ROBO2: variants seen among roughly 807,000 people sequenced by gnomAD.
The protein encoded by ROBO2 is roundabout guidance receptor 2.
In ROBO2, 53 loss-of-function variants were observed where a neutral mutation model predicts 160.8. The ratio of observed to expected loss-of-function variants is 0.33; its 90% confidence interval spans 0.26 to 0.41. ROBO2 has a LOEUF of 0.41. Ranked by LOEUF, ROBO2 falls within the 10% of genes least tolerant of loss-of-function variation. The pLI is 1.00. For missense variants in ROBO2, 1,577 were observed against 1,722.4 expected, an observed-to-expected ratio of 0.92 and a Z score of 1.49; for synonymous variants, 664 against 611.7, an observed-to-expected ratio of 1.09 and a Z score of -1.26.
intron 2 of ROBO2, among the ~76,000 whole-genome samples, chr3:76,710,769 G>C (rs2093276679): frequency 6.6e-6 from 1 of 152,128 alleles, no homozygotes; most frequent in African/African-American, 2.4e-5. Flanking sequence ...TACAGACTTA[G>C]GGGAGCTTAG....
intron 2 of ROBO2, among the ~76,000 whole-genome samples, chr3:77,188,683 ACT>A (rs1192257471): frequency 6.6e-6 from 1 of 151,876 alleles, no homozygotes; most frequent in African/African-American, 2.4e-5. Flanking sequence ...GAACATTTTT[ACT>A]GTTTTCTCAT....
chr3:77,299,337 G>A (rs935086006), intron 2 of ROBO2, among the ~76,000 whole-genome samples: 6 of 152,120 alleles, frequency 3.9e-5, no homozygotes, highest in African/African-American at 1.4e-4. Flanking sequence ...AGATAAGAAG[G>A]ACTGAAAGCC....
intron 2 of ROBO2, among the ~76,000 whole-genome samples, chr3:77,305,584 C>T (rs2063031161): frequency 1.3e-5 from 2 of 152,118 alleles, no homozygotes; most frequent in African/African-American, 4.8e-5. Flanking sequence ...TCTGTGAATT[C>T]GCCCATGTTC....
At chr3:77,254,534 T>C (rs2153314331) in intron 2 of ROBO2, among the ~76,000 whole-genome samples, 1 of 152,242 alleles carries the variant, frequency 6.6e-6, no homozygotes, top group African/African-American at 2.4e-5. Context: ...CAAAATATTC[T>C]TTTTTTAGGG....
At chr3:77,565,643 T>C (rs1167081765) in intron 12 of ROBO2, among the ~76,000 whole-genome samples, 2 of 152,096 alleles carry the variant, frequency 1.3e-5, no homozygotes. Flanking sequence ...GTGTTTGTTT[T>C]AACAAACCCT....
chr3:76,200,061 A>C (rs1231369507), intron 2 of ROBO2, among the ~76,000 whole-genome samples: 1 of 151,934 alleles, frequency 6.6e-6, no homozygotes. Context: ...TTCTCTAGCA[A>C]GGGCCCTGTA....
intron 2 of ROBO2, among the ~76,000 whole-genome samples, chr3:76,865,515 A>T (rs2071276052): frequency 6.6e-6 from 1 of 152,088 alleles, no homozygotes; most frequent in South Asian, 2.1e-4. Context: ...ACTAGTGCAG[A>T]AGACATTCTG....
intron 2 of ROBO2, among the ~76,000 whole-genome samples, chr3:77,364,554 T>G (rs1487686854): frequency 6.6e-6 from 1 of 152,084 alleles, no homozygotes; most frequent in Non-Finnish European, 1.5e-5. Flanking sequence ...GTTAAGGAAG[T>G]AGATATTGAA....
chr3:77,482,264 C>A (rs2153590095), intron 4 of ROBO2, among the ~76,000 whole-genome samples: 1 of 152,150 alleles, frequency 6.6e-6, no homozygotes, highest in East Asian at 1.9e-4. Context: ...GATTTAAAAT[C>A]CCTATTTCTG....
In ROBO2 at chr3:76,771,638, T is replaced by G. The variant is rs74281667; in HGVS notation, c.110-326376T>G. On this transcript the variant is annotated intron_variant, in intron 2 of 26. Transcript: ENST00000487694. ...ACTCTTTTTAAGTATTTAAGTATCA[T>G]AAACTGATAAATTTAAGTAATTGAA... is the stretch of plus-strand genomic sequence containing the variant. Among the ~76,000 whole-genome samples the G allele has an allele frequency of 5.3e-5, 8 of 151,392 alleles. No individual in the cohort carries two copies. The East Asian group carries it at 1.6e-3, about 30-fold the overall frequency.
chr3:76,825,569 C>T (rs1197219909), intron 2 of ROBO2, among the ~76,000 whole-genome samples: 1 of 122,162 alleles, frequency 8.2e-6, no homozygotes, highest in African/African-American at 3.3e-5. Flanking sequence ...AAACAGACTC[C>T]AGTAATGGGA....
intron 2 of ROBO2, among the ~76,000 whole-genome samples, chr3:77,136,289 G>C (rs2076269123): frequency 6.6e-6 from 1 of 151,824 alleles, no homozygotes; most frequent in African/African-American, 2.4e-5. Context: ...TCTTGATTAA[G>C]GTTTTTATTT....
At chr3:76,334,636 C>T (rs1372721411) in intron 2 of ROBO2, among the ~76,000 whole-genome samples, 2 of 148,514 alleles carry the variant, frequency 1.3e-5, no homozygotes, top group Non-Finnish European at 3.0e-5. Context: ...CAATCCGTGC[C>T]CAATGGAGAT....
intron 2 of ROBO2, among the ~76,000 whole-genome samples, chr3:76,841,441 C>T (rs539735394): frequency 1.1e-4 from 17 of 152,108 alleles, no homozygotes; most frequent in Admixed American, 3.3e-4. Flanking sequence ...GTAGAAGAAA[C>T]GTGTGGTAAA....
At chr3:76,265,624 T>C (rs1179504744) in intron 2 of ROBO2, among the ~76,000 whole-genome samples, 2 of 152,148 alleles carry the variant, frequency 1.3e-5, no homozygotes, top group African/African-American at 4.8e-5. Context: ...CAAAGTGTTA[T>C]ATTAGCTCCT....
At chr3:76,549,359 G>C (rs1578074271) in intron 2 of ROBO2, among the ~76,000 whole-genome samples, 1 of 152,274 alleles carries the variant, frequency 6.6e-6, no homozygotes, top group Admixed American at 6.5e-5. Flanking sequence ...CACAGTGGCT[G>C]TGGTGTAAAA....
At chr3:76,105,715 C>T (rs1019726544) in intron 2 of ROBO2, among the ~76,000 whole-genome samples, 1 of 151,980 alleles carries the variant, frequency 6.6e-6, no homozygotes, top group African/African-American at 2.4e-5. Context: ...GGAGAGAACA[C>T]TTGCAGACCT....
intron 2 of ROBO2, among the ~76,000 whole-genome samples, chr3:77,292,083 A>G (rs2153392752): frequency 6.6e-6 from 1 of 151,826 alleles, no homozygotes; most frequent in South Asian, 2.1e-4. Context: ...CCAGACATAA[A>G]GTAAAATTGA....
chr3:76,176,589 A>C (rs1319380670), intron 2 of ROBO2, among the ~76,000 whole-genome samples: 1 of 152,142 alleles, frequency 6.6e-6, no homozygotes, highest in Non-Finnish European at 1.5e-5. Flanking sequence ...ATTTTTCTCT[A>C]AGGTCTAAAC....
Sources: allele counts gnomAD v4.1 joint callset (sites outside exome capture counted in the v4.1 genomes callset), GRCh38; gene constraint gnomAD v4.1.1; transcripts MANE v1.5; gene names NCBI Gene and HGNC (gene_info 2026-07-23, HGNC 2026-07-21).